PRKCH: variants seen among roughly 807,000 people sequenced by gnomAD.
PRKCH encodes the protein protein kinase C eta.
A neutral mutation model predicts 82.5 loss-of-function variants in PRKCH; 28 were observed. That is an observed-to-expected ratio of 0.34 (90% CI 0.25 to 0.47). The LOEUF is 0.47. Among genes scored for constraint, PRKCH ranks in the 20% least tolerant of loss-of-function variants. The pLI is 1.00. For synonymous variants in PRKCH, 322 were observed against 327.4 expected, an observed-to-expected ratio of 0.98 and a Z score of 0.18; for missense variants, 705 against 881.8, an observed-to-expected ratio of 0.80 and a Z score of 2.54.
intron 5 of PRKCH, among the ~76,000 whole-genome samples, chr14:61,450,536 G>A (rs1050650578): frequency 1.3e-5 from 2 of 152,166 alleles, no homozygotes; most frequent in Non-Finnish European, 2.9e-5. Context: ...GGGGTGTTAG[G>A]GGATTGGCAA....
Position 61,280,474 on chromosome 14 carries a change from G to A in PRKCH, c.-19+92806G>A, listed in dbSNP as rs2045248542. On this transcript the variant is annotated intron_variant, in intron 1 of 3. Transcript: ENST00000555185. This position sits in a 1 kb window ranked among gnomAD's most constrained non-coding sequence, Gnocchi z 5.0. The stretch of plus-strand genomic sequence containing the variant: ...GACTGGCCGGCGCCAGTTGGGCGGG[G>A]GCGCCGTGCCCTGGAAGGCCAACGC... 6.2e-7 allele frequency: 1 copy of A among 1,613,238 alleles called. No individual in the cohort carries two copies. The highest frequency in any genetic ancestry group is 1.3e-5 in the African/African-American group (1 of 74,922).
intron 1 of PRKCH, among the ~76,000 whole-genome samples, chr14:61,249,577 G>A (rs1314344816): frequency 6.7e-6 from 1 of 150,206 alleles, no homozygotes. Flanking sequence ...ATGATAAACA[G>A]GTATAGAGAT....
intron 10 of PRKCH, among the ~76,000 whole-genome samples, chr14:61,501,903 A>G (rs1886925584): frequency 6.6e-6 from 1 of 152,082 alleles, no homozygotes; most frequent in Admixed American, 6.5e-5. Context: ...GTCTATGCAT[A>G]TGCAAGCTCT....
At chr14:61,442,976 G>A in intron 2 of PRKCH, 135 bp from the exon 3 acceptor site, 4 of 821,032 alleles carry the variant, frequency 4.9e-6, no homozygotes, top group Non-Finnish European at 7.3e-6. Flanking sequence ...AATGATTTTA[G>A]GGGGGATGGT....
chr14:61,310,846 G>A (rs751092689), intron 1 of PRKCH, among the ~76,000 whole-genome samples: 1 of 152,254 alleles, frequency 6.6e-6, no homozygotes, highest in Non-Finnish European at 1.5e-5. Flanking sequence ...CTGAAATCTA[G>A]GTAGAGGTTC....
intron 1 of PRKCH, among the ~76,000 whole-genome samples, chr14:61,381,926 G>A (rs940630571): frequency 3.3e-5 from 5 of 152,186 alleles, no homozygotes; most frequent in Admixed American, 6.5e-5. Context: ...CGGCACCAGC[G>A]TGGCATCTTC....
At chr14:61,460,274 A>G (rs1490450995) in intron 9 of PRKCH, among the ~76,000 whole-genome samples, 1 of 152,234 alleles carries the variant, frequency 6.6e-6, no homozygotes, top group Admixed American at 6.5e-5. Flanking sequence ...TAATTAATTT[A>G]ACTTTTCCTC....
intron 1 of PRKCH, among the ~76,000 whole-genome samples, chr14:61,204,961 G>C (rs1369201760): frequency 6.6e-6 from 1 of 152,008 alleles, no homozygotes. Context: ...TACTTAGTAA[G>C]TTCTTCCATA....
intron 1 of PRKCH, among the ~76,000 whole-genome samples, chr14:61,335,850 C>T (rs1192173247): frequency 2.0e-5 from 3 of 152,180 alleles, no homozygotes; most frequent in African/African-American, 7.2e-5. Context: ...ACTAATGATA[C>T]ACAAATACAG....
chr14:61,322,878 A>G (rs1021268330), intron 1 of PRKCH: 3 of 181,584 alleles, frequency 1.7e-5, no homozygotes, highest in African/African-American at 7.0e-5. Context: ...AGAAAGCCGT[A>G]CATTCTCGCG....
intron 1 of PRKCH, chr14:61,281,156 C>T (rs2045262060): frequency 7.6e-7 from 1 of 1,315,950 alleles, no homozygotes; most frequent in Admixed American, 4.2e-5. Flanking sequence ...ATGGCGGCCG[C>T]GCGGGGACCG....
intron 2 of PRKCH, among the ~76,000 whole-genome samples, chr14:61,407,561 G>T (rs899132709): frequency 2.6e-5 from 4 of 152,128 alleles, no homozygotes; most frequent in African/African-American, 9.7e-5. Flanking sequence ...ACCTGGTGGG[G>T]ACACTCAGCC....
intron 1 of PRKCH, among the ~76,000 whole-genome samples, chr14:61,326,162 T>A (rs2045693343): frequency 6.6e-6 from 1 of 152,246 alleles, no homozygotes; most frequent in South Asian, 2.1e-4. Flanking sequence ...ATAGCATCTT[T>A]ATTTGTAATA....
At chr14:61,464,159 A>C (rs1369995065) in intron 9 of PRKCH, among the ~76,000 whole-genome samples, 2 of 152,206 alleles carry the variant, frequency 1.3e-5, no homozygotes, top group Non-Finnish European at 2.9e-5. Flanking sequence ...TTTCCAAATG[A>C]GTATACTAAT....
intron 10 of PRKCH, among the ~76,000 whole-genome samples, chr14:61,527,622 G>A (rs192265889): frequency 2.2e-4 from 33 of 152,274 alleles, no homozygotes; most frequent in African/African-American, 7.9e-4. Context: ...CCCTTAATGA[G>A]GGAGCATCAA....
At chr14:61,354,124 G>A (rs1351273676) in intron 1 of PRKCH, 1 of 152,122 alleles carries the variant, frequency 6.6e-6, no homozygotes, top group Non-Finnish European at 1.5e-5. Flanking sequence ...TCTGAAAATT[G>A]ACTGGAACAA....
chr14:61,402,838 CTT>C (rs1258724574), intron 2 of PRKCH, among the ~76,000 whole-genome samples: 1 of 142,770 alleles, frequency 7.0e-6, no homozygotes, highest in African/African-American at 2.5e-5. Flanking sequence ...ATCTAGCTGT[CTT>C]TTTTTTTAAT....
chr14:61,288,282 A>T (rs1298203202), intron 1 of PRKCH, among the ~76,000 whole-genome samples: 2 of 152,208 alleles, frequency 1.3e-5, no homozygotes, highest in African/African-American at 4.8e-5. Flanking sequence ...TTTTGTAGAA[A>T]GAGAGTCTAG....
chr14:61,334,262 C>G (rs2045825355), intron 1 of PRKCH, among the ~76,000 whole-genome samples: 1 of 152,108 alleles, frequency 6.6e-6, no homozygotes, highest in Non-Finnish European at 1.5e-5. Context: ...GAACGCAAGA[C>G]CCAGCATCTC....
Sources: allele counts gnomAD v4.1 joint callset (sites outside exome capture counted in the v4.1 genomes callset), GRCh38; gene constraint gnomAD v4.1.1; non-coding constraint Gnocchi (gnomAD v3.1); transcripts MANE v1.5; gene names NCBI Gene and HGNC (gene_info 2026-07-23, HGNC 2026-07-21).